Variants in CTNNA2 observed in about 807,000 individuals in gnomAD.
CTNNA2 encodes the protein catenin alpha-2.
CTNNA2 carries 42 observed loss-of-function variants against 101.0 expected under a neutral mutation model. That is an observed-to-expected ratio of 0.42 (90% CI 0.32 to 0.54). CTNNA2 has a LOEUF of 0.54. Among genes scored for constraint, CTNNA2 ranks in the 20% least tolerant of loss-of-function variants. The pLI, the probability that CTNNA2 is intolerant of heterozygous loss-of-function variation, is 0.14. For synonymous variants in CTNNA2, 450 were observed against 456.4 expected (o/e 0.99, Z 0.18); for missense variants, 871 against 1,223.1 (o/e 0.71, Z 4.29).
chr2:80,032,317 T>C (rs1043543878), intron 7 of CTNNA2, among the ~76,000 whole-genome samples: 1 of 152,116 alleles, frequency 6.6e-6, no homozygotes, highest in Non-Finnish European at 1.5e-5. Context: ...ACTGACAATA[T>C]CCTGCATGAA....
intron 7 of CTNNA2, among the ~76,000 whole-genome samples, chr2:80,148,587 G>C (rs1056793081): frequency 6.6e-6 from 1 of 152,210 alleles, no homozygotes; most frequent in Non-Finnish European, 1.5e-5. Context: ...ACCTGTCCCA[G>C]CTGCAGGCCT....
intron 2 of CTNNA2, among the ~76,000 whole-genome samples, chr2:79,700,696 A>T (rs1406314047): frequency 6.6e-6 from 1 of 152,140 alleles, no homozygotes; most frequent in Non-Finnish European, 1.5e-5. Context: ...GTTTATTAAC[A>T]CCACCCAGGG....
chr2:80,036,460 C>T (rs1301083156), intron 7 of CTNNA2, among the ~76,000 whole-genome samples: 1 of 151,860 alleles, frequency 6.6e-6, no homozygotes, highest in African/African-American at 2.4e-5. Flanking sequence ...TAAAAATTAG[C>T]CTGGTGTGGT....
At chr2:79,701,586 A>G (rs562177467) in intron 2 of CTNNA2, among the ~76,000 whole-genome samples, 3 of 152,348 alleles carry the variant, frequency 2.0e-5, no homozygotes, top group South Asian at 4.1e-4. Flanking sequence ...CACTGGTCCT[A>G]TGATACTAAA....
At chr2:80,114,908 T>C (rs1398091100) in intron 7 of CTNNA2, among the ~76,000 whole-genome samples, 1 of 152,300 alleles carries the variant, frequency 6.6e-6, no homozygotes, top group East Asian at 1.9e-4. Context: ...AGAGGAAATG[T>C]GTATCTGAGC....
intron 7 of CTNNA2, among the ~76,000 whole-genome samples, chr2:80,024,047 A>G (rs897000839): frequency 6.7e-6 from 1 of 148,190 alleles, no homozygotes; most frequent in South Asian, 2.1e-4. Context: ...AGATGGCGCC[A>G]CTGCACTTCA....
At chr2:79,990,836 T>C (rs1374009765) in intron 7 of CTNNA2, among the ~76,000 whole-genome samples, 3 of 152,180 alleles carry the variant, frequency 2.0e-5, no homozygotes, top group Admixed American at 2.0e-4. Context: ...TTGATTGGAA[T>C]AGTTTCAGAA....
intron 7 of CTNNA2, among the ~76,000 whole-genome samples, chr2:80,102,169 A>G (rs1051677120): frequency 1.1e-4 from 16 of 152,142 alleles, no homozygotes; most frequent in South Asian, 2.1e-4. Flanking sequence ...GAATCATTGA[A>G]GGCATCCACT....
intron 1 of CTNNA2, among the ~76,000 whole-genome samples, chr2:79,557,875 A>G (rs963482633): frequency 6.6e-6 from 1 of 152,032 alleles, no homozygotes; most frequent in Non-Finnish European, 1.5e-5. Context: ...TAATTAAATG[A>G]AAACTTTCAG....
intron 4 of CTNNA2, among the ~76,000 whole-genome samples, chr2:79,482,436 G>T (rs142096353): frequency 8.3e-4 from 126 of 152,292 alleles, no homozygotes; most frequent in African/African-American, 2.8e-3. Flanking sequence ...GGAAACGTGG[G>T]CTAGTTCCTG....
intron 7 of CTNNA2, among the ~76,000 whole-genome samples, chr2:79,920,862 G>A (rs1300799538): frequency 6.6e-6 from 1 of 152,134 alleles, no homozygotes; most frequent in Non-Finnish European, 1.5e-5. Context: ...AGTTCAAAGG[G>A]CTCCCCCAAG....
intron 3 of CTNNA2, among the ~76,000 whole-genome samples, chr2:79,346,587 C>G (rs1395810127): frequency 1.3e-5 from 2 of 152,090 alleles, no homozygotes; most frequent in African/African-American, 2.4e-5. Context: ...GGAAGAAACC[C>G]ACATCTGTAG....
At chr2:80,586,791 C>T (rs1037738700) in intron 14 of CTNNA2, among the ~76,000 whole-genome samples, 3 of 152,148 alleles carry the variant, frequency 2.0e-5, no homozygotes, top group South Asian at 2.1e-4. Flanking sequence ...CACGTACACA[C>T]GCATATCCAA....
chr2:80,202,747 A>G (rs1334687748), intron 7 of CTNNA2, among the ~76,000 whole-genome samples: 1 of 152,114 alleles, frequency 6.6e-6, no homozygotes, highest in African/African-American at 2.4e-5. Context: ...AAAAAAGAAA[A>G]AGACAAAGCT....
chr2:80,606,647 C>A (rs1483842105), intron 16 of CTNNA2, among the ~76,000 whole-genome samples: 1 of 151,744 alleles, frequency 6.6e-6, no homozygotes, highest in African/African-American at 2.4e-5. Flanking sequence ...ATTCAACATG[C>A]CTTTTTAAAT....
intron 2 of CTNNA2, among the ~76,000 whole-genome samples, chr2:79,238,588 C>T (rs1218203244): frequency 6.6e-6 from 1 of 151,954 alleles, no homozygotes; most frequent in East Asian, 1.9e-4. Context: ...AATTAAGGTG[C>T]AATGAAATGA....
intron 2 of CTNNA2, among the ~76,000 whole-genome samples, chr2:79,690,215 G>A (rs1684197713): frequency 6.6e-6 from 1 of 152,006 alleles, no homozygotes; most frequent in Non-Finnish European, 1.5e-5. Context: ...AAAGATGTTA[G>A]CATTCTGGGA....
At chr2:80,185,430 C>T (rs1706056384) in intron 7 of CTNNA2, among the ~76,000 whole-genome samples, 1 of 152,082 alleles carries the variant, frequency 6.6e-6, no homozygotes, top group African/African-American at 2.4e-5. Flanking sequence ...CTAAGTCCAG[C>T]CCACACTCAG....
chr2:79,816,348 T>C (rs758475062), intron 3 of CTNNA2, among the ~76,000 whole-genome samples: 7 of 152,118 alleles, frequency 4.6e-5, no homozygotes, highest in Non-Finnish European at 1.0e-4. Context: ...TCAGAGGAAA[T>C]GCTTTCAACT....
Sources: gnomAD v4.1 joint callset for allele counts (sites outside exome capture counted in the v4.1 genomes callset) on GRCh38, gnomAD v4.1.1 for gene constraint, MANE v1.5 for transcripts, NCBI Gene and HGNC (gene_info 2026-07-23, HGNC 2026-07-21) for gene names.